Variants in TIAM1 observed in about 807,000 individuals in gnomAD.
The protein encoded by TIAM1 is TIAM Rac1 associated GEF 1.
In TIAM1, 65 loss-of-function variants were observed where a neutral mutation model predicts 163.5. The observed-to-expected ratio is 0.40, with a 90% CI of 0.33 to 0.49. TIAM1 has a LOEUF of 0.49. TIAM1 is among the 20% of genes least tolerant of loss of function. TIAM1 has a pLI of 0.77. For synonymous variants in TIAM1, 833 were observed against 810.1 expected (o/e 1.03, Z -0.48); for missense variants, 1,789 against 2,044.7 (o/e 0.87, Z 2.41).
intron 23 of TIAM1, 62 bp downstream of exon 23, chr21:31,135,871 T>C (rs1428436501): frequency 2.7e-6 from 4 of 1,462,774 alleles, no homozygotes; most frequent in Non-Finnish European, 3.8e-6. Context: ...AAAAGAAATG[T>C]TCTTGTTTTG....
chr21:31,472,580 G>A (rs1017888948), intron 1 of TIAM1, among the ~76,000 whole-genome samples: 1 of 152,280 alleles, frequency 6.6e-6, no homozygotes, highest in South Asian at 2.1e-4. Context: ...CTCAATAGAT[G>A]CTGGCTGTCA....
At chr21:31,279,153 A>C (rs1348603969) in intron 2 of TIAM1, among the ~76,000 whole-genome samples, 4 of 152,140 alleles carry the variant, frequency 2.6e-5, no homozygotes, top group Non-Finnish European at 4.4e-5. Context: ...ACAAAAAAAA[A>C]CTATACAGAG....
At chr21:31,534,744 A>C (rs1329110618) in intron 1 of TIAM1, among the ~76,000 whole-genome samples, 1 of 152,170 alleles carries the variant, frequency 6.6e-6, no homozygotes, top group East Asian at 1.9e-4. Flanking sequence ...ACTGCCCATC[A>C]CTGAATCTTG....
chr21:31,233,692 C>T (rs529641168), intron 6 of TIAM1, among the ~76,000 whole-genome samples: 125 of 152,244 alleles, frequency 8.2e-4, no homozygotes, highest in Non-Finnish European at 1.5e-3. Context: ...GCAACAAGAG[C>T]GAGACTCCGT....
intron 2 of TIAM1, among the ~76,000 whole-genome samples, chr21:31,382,291 A>G (rs1361569005): frequency 3.9e-5 from 6 of 152,246 alleles, no homozygotes; most frequent in Non-Finnish European, 5.9e-5. Context: ...ACTAGAAACC[A>G]TTGGCTAAAA....
intron 3 of TIAM1, among the ~76,000 whole-genome samples, chr21:31,268,885 T>A (rs544186896): frequency 3.3e-5 from 5 of 152,304 alleles, no homozygotes; most frequent in African/African-American, 1.2e-4. Context: ...AAGTACATAT[T>A]AAGATACCTG....
intron 2 of TIAM1, among the ~76,000 whole-genome samples, chr21:31,443,207 T>TG (rs1459568487): frequency 1.3e-5 from 2 of 152,184 alleles, no homozygotes; most frequent in Non-Finnish European, 2.9e-5. Flanking sequence ...CCAGGGCTGT[T>TG]GGACTCCCCA....
chr21:31,285,298 G>A (rs1038732594), intron 2 of TIAM1, among the ~76,000 whole-genome samples: 1 of 152,144 alleles, frequency 6.6e-6, no homozygotes, highest in Non-Finnish European at 1.5e-5. Flanking sequence ...GAACTCAAGA[G>A]GCCAGGGTGG....
chr21:31,164,857 G>A lies in TIAM1; in HGVS notation c.2991+105C>T, dbSNP rs936751573. The A allele has an allele frequency of 4.6e-5, 52 of 1,135,000 alleles. 1 individual carries two copies. The highest frequency in any genetic ancestry group is 3.9e-4 in the South Asian group (28 of 71,228). 70.3% of individuals were successfully genotyped at this position (1,135,000 alleles called of 1,614,324 possible). A position where few individuals can be genotyped will look rare whatever the true frequency, so the allele number is the denominator to read the frequency against. ...AACATCTCAGAAGCAAAAACACTTC[G>A]TCCATGGAGAGGCCTGGTAACCACA... On this transcript the variant is annotated intron_variant, in intron 16 of 27. Transcript: ENST00000541036.
chr21:31,536,343 T>TG (rs1367186932), intron 1 of TIAM1, among the ~76,000 whole-genome samples: 1 of 152,242 alleles, frequency 6.6e-6, no homozygotes, highest in Non-Finnish European at 1.5e-5. Context: ...GTGAGATGAC[T>TG]GCCCTTACCC....
intron 1 of TIAM1, among the ~76,000 whole-genome samples, chr21:31,525,923 A>C (rs1432944873): frequency 6.6e-6 from 1 of 150,872 alleles, no homozygotes; most frequent in East Asian, 2.0e-4. Flanking sequence ...AGTCCCAGCT[A>C]CTCGAGAGGC....
chr21:31,325,075 T>C (rs573615127), intron 2 of TIAM1, among the ~76,000 whole-genome samples: 154 of 150,648 alleles, frequency 1.0e-3, no homozygotes, highest in African/African-American at 3.5e-3. Context: ...AGCCCAGGAG[T>C]TCGAGACCAG....
intron 2 of TIAM1, among the ~76,000 whole-genome samples, chr21:31,332,715 C>T (rs1477538854): frequency 6.6e-6 from 1 of 151,452 alleles, no homozygotes; most frequent in African/African-American, 2.4e-5. Context: ...CAAACCACCA[C>T]CAGGGAACTC....
Position 31,377,033 on chromosome 21 carries a change from C to CTTTTTT in TIAM1, c.-368-37617_-368-37612dup, listed in dbSNP as rs35487868. 1.5e-3 allele frequency among the ~76,000 whole-genome samples: 121 copies of CTTTTTT among 80,940 alleles called. 2 individuals carry two copies. The highest frequency in any genetic ancestry group is 4.2e-3 in the African/African-American group (85 of 20,422). The allele number at this position is 80,940 out of a possible 152,430, so 53.1% of individuals were successfully genotyped here. ...GCCACCATGCCTGGCTCATTTTTGT[C>CTTTTTT]TTTTTTTTTTTTTTTTTTTTTTTTT... On this transcript the variant is annotated intron_variant, in intron 2 of 28. Coordinates refer to the TIAM1 transcript ENST00000286827.
At chr21:31,324,363 T>A (rs1039668748) in intron 2 of TIAM1, among the ~76,000 whole-genome samples, 4 of 151,736 alleles carry the variant, frequency 2.6e-5, no homozygotes, top group Admixed American at 6.6e-5. Flanking sequence ...AAAAAAAAAA[T>A]TTTATTTGGT....
intron 1 of TIAM1, among the ~76,000 whole-genome samples, chr21:31,498,595 ATATTTG>A (rs2046743871): frequency 6.6e-6 from 1 of 152,288 alleles, no homozygotes; most frequent in East Asian, 1.9e-4. Context: ...AATGTGATTG[ATATTTG>A]TATTTGAAAA....
intron 2 of TIAM1, among the ~76,000 whole-genome samples, chr21:31,422,794 C>T (rs1386961663): frequency 3.3e-5 from 5 of 152,180 alleles, no homozygotes; most frequent in Non-Finnish European, 4.4e-5. Flanking sequence ...CTGCCATGGA[C>T]ATATTGGCTT....
chr21:31,260,363 G>A (rs149005126), intron 4 of TIAM1, among the ~76,000 whole-genome samples: 5,430 of 150,996 alleles, frequency 0.036, 305 homozygotes, highest in African/African-American at 0.12. Flanking sequence ...TCAGCCTCTC[G>A]AGTAGTTGGG....
chr21:31,482,565 C>T (rs2046148396), intron 1 of TIAM1, among the ~76,000 whole-genome samples: 1 of 152,194 alleles, frequency 6.6e-6, no homozygotes, highest in Non-Finnish European at 1.5e-5. Context: ...TTTTCTGGCT[C>T]TGAGGCAGTA....
Sources: allele counts gnomAD v4.1 joint callset (sites outside exome capture counted in the v4.1 genomes callset), GRCh38; gene constraint gnomAD v4.1.1; transcripts MANE v1.5; gene names NCBI Gene and HGNC (gene_info 2026-07-23, HGNC 2026-07-21).